Variants in PHACTR3 observed in about 807,000 individuals in gnomAD.
PHACTR3 encodes protein phosphatase 1, regulatory subunit 123.
In PHACTR3, 16 loss-of-function variants were observed where a neutral mutation model predicts 66.8. That is an observed-to-expected ratio of 0.24 (90% CI 0.16 to 0.36). The LOEUF (loss-of-function observed/expected upper bound fraction) is 0.36, where lower values mean the gene tolerates loss of function less well. Ranked by LOEUF, PHACTR3 falls within the 10% of genes least tolerant of loss-of-function variation. The probability of loss-of-function intolerance (pLI) is 1.00; values close to 1 mark genes in which losing one functional copy is unlikely to be tolerated. For synonymous variants in PHACTR3, 323 were observed against 292.1 expected (o/e 1.11, Z -1.08); for missense variants, 647 against 719.9 (o/e 0.90, Z 1.16).
chr20:59,682,633 G>C (rs2036705946), intron 1 of PHACTR3, among the ~76,000 whole-genome samples: 1 of 152,254 alleles, frequency 6.6e-6, no homozygotes, highest in South Asian at 2.1e-4. Flanking sequence ...GTATTACATG[G>C]AGTGTCAGGA....
chr20:59,805,078 A>G (rs1600686643), intron 7 of PHACTR3, among the ~76,000 whole-genome samples: 2 of 152,346 alleles, frequency 1.3e-5, no homozygotes, highest in Admixed American at 1.3e-4. Flanking sequence ...GTGGCAGGGC[A>G]GGTGGGGACT....
intron 1 of PHACTR3, among the ~76,000 whole-genome samples, chr20:59,702,034 G>T (rs776595400): frequency 2.6e-5 from 4 of 152,146 alleles, no homozygotes; most frequent in African/African-American, 9.7e-5. Context: ...TTCCTGTCTC[G>T]ATAGCTCATT....
Position 59,611,558 on chromosome 20 carries a change from C to T in PHACTR3, c.118+6426C>T, listed in dbSNP as rs77057065. Among the ~76,000 whole-genome samples, 7 of 152,314 alleles carry T rather than the reference C, an allele frequency of 4.6e-5. No homozygotes were observed. In the East Asian group the frequency reaches 1.3e-3, roughly 29 times the overall value. On this transcript the variant is annotated intron_variant, in intron 1 of 12. Transcript: ENST00000371015. ...CAGCTTCAGGCACCAGGGCCATTCT[C>T]AGCAAATGGTGGAGGAAGGAGGAGG...
intron 1 of PHACTR3, among the ~76,000 whole-genome samples, chr20:59,734,075 T>C (rs1169454393): frequency 6.6e-6 from 1 of 151,886 alleles, no homozygotes; most frequent in Non-Finnish European, 1.5e-5. Flanking sequence ...AGGACTCTTA[T>C]CACAGCCACA....
At position 59,755,382 on chromosome 20, in the gene PHACTR3, C is replaced by A; in HGVS notation, c.541+18C>A. The A allele has an allele frequency of 1.9e-6, 3 of 1,610,266 alleles. No individual in the cohort carries two copies. The highest frequency in any genetic ancestry group is 2.5e-6 in the Non-Finnish European group (3 of 1,179,152). ...CGATGCAGGTACTGGCTGGAGACCA[C>A]GCGAAGTTGAGCTGCTCCTAGAATG... is the stretch of plus-strand genomic sequence containing the variant. On this transcript the variant is annotated intron_variant, in intron 4 of 12. Coordinates refer to ENST00000371015, the MANE Select transcript of PHACTR3 (RefSeq NM_080672.5).
intron 1 of PHACTR3, among the ~76,000 whole-genome samples, chr20:59,730,243 A>T (rs2038715966): frequency 6.6e-6 from 1 of 152,180 alleles, no homozygotes; most frequent in Non-Finnish European, 1.5e-5. Flanking sequence ...AAATAACAGG[A>T]AACCTAACAG....
At chr20:59,710,943 C>T (rs1329952505) in intron 1 of PHACTR3, among the ~76,000 whole-genome samples, 1 of 152,092 alleles carries the variant, frequency 6.6e-6, no homozygotes, top group African/African-American at 2.4e-5. Context: ...GTATTGCACA[C>T]TCATTATAGA....
At chr20:59,742,978 C>A in intron 1 of PHACTR3, 129 bp from the exon 2 acceptor site, 1 of 1,084,736 alleles carries the variant, frequency 9.2e-7, no homozygotes, top group Non-Finnish European at 1.3e-6. Context: ...TGCTGGACAA[C>A]CATCCTGGGG....
At chr20:59,762,679 C>T (rs982286682) in intron 4 of PHACTR3, among the ~76,000 whole-genome samples, 1 of 152,100 alleles carries the variant, frequency 6.6e-6, no homozygotes, top group African/African-American at 2.4e-5. Context: ...GCCACATGGC[C>T]CAAGCTGGAA....
intron 8 of PHACTR3, among the ~76,000 whole-genome samples, chr20:59,826,278 C>A (rs953042429): frequency 7.2e-5 from 11 of 152,118 alleles, no homozygotes; most frequent in Admixed American, 7.2e-4. Flanking sequence ...CAGGAATTCC[C>A]TGCCACAGGC....
chr20:59,845,549 T>A (rs867172113), intron 12 of PHACTR3, among the ~76,000 whole-genome samples: 6 of 152,224 alleles, frequency 3.9e-5, no homozygotes, highest in Non-Finnish European at 2.9e-5. Context: ...GTAATTTTTC[T>A]GTGTATTTAA....
intron 7 of PHACTR3, among the ~76,000 whole-genome samples, chr20:59,792,264 CTG>C (rs1456002771): frequency 6.6e-6 from 1 of 152,242 alleles, no homozygotes; most frequent in Non-Finnish European, 1.5e-5. Flanking sequence ...ACAAATAAAT[CTG>C]TGATCAGCAT....
At chr20:59,705,481 T>A (rs2037668290) in intron 1 of PHACTR3, among the ~76,000 whole-genome samples, 1 of 152,094 alleles carries the variant, frequency 6.6e-6, no homozygotes, top group South Asian at 2.1e-4. Context: ...CTTAAAAGAG[T>A]GATTCATCTT....
intron 1 of PHACTR3, among the ~76,000 whole-genome samples, chr20:59,617,085 A>G (rs2034052977): frequency 6.6e-6 from 1 of 152,106 alleles, no homozygotes; most frequent in Non-Finnish European, 1.5e-5. Flanking sequence ...CTTGGGGAGT[A>G]TATTTGCATC....
intron 1 of PHACTR3, among the ~76,000 whole-genome samples, chr20:59,689,109 T>A (rs73303153): frequency 2.5e-4 from 38 of 152,310 alleles, no homozygotes; most frequent in African/African-American, 8.4e-4. Context: ...AAGAGCCAAC[T>A]TCTCTGCTGT....
intron 1 of PHACTR3, among the ~76,000 whole-genome samples, chr20:59,596,308 G>A (rs2033325400): frequency 6.6e-6 from 1 of 152,038 alleles, no homozygotes; most frequent in Admixed American, 6.6e-5. Context: ...TAATTTTTGT[G>A]TGTGTATATT....
At chr20:59,690,546 G>A (rs2037072894) in intron 1 of PHACTR3, among the ~76,000 whole-genome samples, 1 of 152,248 alleles carries the variant, frequency 6.6e-6, no homozygotes, top group Non-Finnish European at 1.5e-5. Flanking sequence ...CACAGGAGGT[G>A]TGTGCAGAGT....
At chr20:59,635,169 CCTT>C (rs2034837257) in intron 1 of PHACTR3, among the ~76,000 whole-genome samples, 1 of 55,336 alleles carries the variant, frequency 1.8e-5, no homozygotes, top group African/African-American at 7.5e-5. Context: ...TTCTTTCTTT[CCTT>C]TCTTTCTTTC....
chr20:59,831,071 A>G (rs2042357379), intron 8 of PHACTR3, among the ~76,000 whole-genome samples: 1 of 151,988 alleles, frequency 6.6e-6, no homozygotes, highest in East Asian at 1.9e-4. Flanking sequence ...TACTCACAGC[A>G]CAGGGCCAGG....
Sources: allele counts gnomAD v4.1 joint callset (sites outside exome capture counted in the v4.1 genomes callset), GRCh38; gene constraint gnomAD v4.1.1; transcripts MANE v1.5; gene names NCBI Gene and HGNC (gene_info 2026-07-23, HGNC 2026-07-21).